Variants in HECW2 observed in about 807,000 individuals in gnomAD.
HECW2 encodes the protein E3 ubiquitin-protein ligase HECW2.
Under a neutral mutation model 175.2 loss-of-function variants are expected in HECW2, and 61 were observed. The observed-to-expected ratio is 0.35, with a 90% CI of 0.28 to 0.43. HECW2 has a LOEUF of 0.43. HECW2 is among the 20% of genes least tolerant of loss of function. The pLI, the probability that HECW2 is intolerant of heterozygous loss-of-function variation, is 1.00. For synonymous variants in HECW2, 671 were observed against 731.0 expected (o/e 0.92, Z 1.32); for missense variants, 1,524 against 2,000.5 (o/e 0.76, Z 4.54).
At chr2:196,350,683 T>G (rs974832596) in intron 2 of HECW2, among the ~76,000 whole-genome samples, 2 of 152,180 alleles carry the variant, frequency 1.3e-5, no homozygotes, top group African/African-American at 4.8e-5. Flanking sequence ...TAAGCATCTA[T>G]TTCCTGCCAT....
intron 1 of HECW2, among the ~76,000 whole-genome samples, chr2:196,502,573 C>T (rs1299130990): frequency 6.6e-6 from 1 of 152,224 alleles, no homozygotes; most frequent in African/African-American, 2.4e-5. Context: ...TTATGTTATA[C>T]ATATTCGTAC....
intron 13 of HECW2, 88 bp from the exon 14 acceptor site, chr2:196,292,838 CAA>C: frequency 9.9e-7 from 1 of 1,013,174 alleles, no homozygotes; most frequent in South Asian, 1.6e-5. Context: ...GCTAATCTTC[CAA>C]TAAGTAATGA....
At chr2:196,404,819 CTTTTTTTTTTT>C (rs71012909) in intron 2 of HECW2, among the ~76,000 whole-genome samples, 4 of 80,378 alleles carry the variant, frequency 5.0e-5, no homozygotes, top group Admixed American at 1.7e-4. Flanking sequence ...TTTTTCTTCT[CTTTTTTTTTTT>C]TTTTTTTTTT....
intron 19 of HECW2, 184 bp from the exon 20 acceptor site, chr2:196,242,388 C>T: frequency 1.5e-6 from 1 of 647,248 alleles, no homozygotes; most frequent in Non-Finnish European, 2.6e-6. Context: ...TAAGTGACGT[C>T]CTCTTTGTGG....
intron 20 of HECW2, among the ~76,000 whole-genome samples, chr2:196,241,547 G>A (rs1473736139): frequency 6.6e-6 from 1 of 152,204 alleles, no homozygotes; most frequent in Non-Finnish European, 1.5e-5. Context: ...AGAGAAAGAA[G>A]GGTAAGTAGG....
chr2:196,324,069 T>C (rs1176079804), intron 6 of HECW2, among the ~76,000 whole-genome samples: 1 of 152,128 alleles, frequency 6.6e-6, no homozygotes, highest in Non-Finnish European at 1.5e-5. Context: ...ACTATATCTT[T>C]TCTGCAATCG....
At chr2:196,462,784 T>C (rs1451199260) in intron 1 of HECW2, among the ~76,000 whole-genome samples, 1 of 152,030 alleles carries the variant, frequency 6.6e-6, no homozygotes, top group African/African-American at 2.4e-5. Flanking sequence ...ACAACTGTAC[T>C]TTTTCATCTC....
At position 196,584,994 on chromosome 2, in the gene HECW2, T is replaced by C. The variant is rs557109645; in HGVS notation, c.-36+8514A>G. ...TATTACTTCCTTAATTTATGGTCAATGTGGACATCTAACTCTCTAATAAAA... is the reference window on the plus strand; with the variant it reads ...TATTACTTCCTTAATTTATGGTCAACGTGGACATCTAACTCTCTAATAAAA... On this transcript the variant is annotated intron_variant, in intron 1 of 28. Transcript: ENST00000644978. Among the ~76,000 whole-genome samples the C allele has an allele frequency of 1.2e-4, 18 of 152,318 alleles. 1 individual carries two copies. The East Asian group carries it at 3.3e-3, about 28-fold the overall frequency.
intron 13 of HECW2, among the ~76,000 whole-genome samples, chr2:196,299,165 C>CT (rs55824195): frequency 0.16 from 24,992 of 151,976 alleles, 2,248 homozygotes; most frequent in Middle Eastern, 0.25. Flanking sequence ...CATGGATCAT[C>CT]TTTTTAGCTA....
chr2:196,409,926 C>T (rs754795596), intron 2 of HECW2, among the ~76,000 whole-genome samples: 1 of 152,150 alleles, frequency 6.6e-6, no homozygotes, highest in Non-Finnish European at 1.5e-5. Context: ...AAACCTGGCA[C>T]AAGAATCATA....
In HECW2 at chr2:196,307,938, C is replaced by A; in HGVS notation, c.2582G>T (p.Arg861Leu). ...ACAGCAAAATGTTCATCCTCACCGCCGGTTCAGCTGCTCCATTTGCTGTAT... is the reference window on the plus strand; with the variant it reads ...ACAGCAAAATGTTCATCCTCACCGCAGGTTCAGCTGCTCCATTTGCTGTAT... ...NSIQQMEQLN[R>L]RYQSIRRTMT... Residue 861 changes from arginine (R) to leucine (L), a missense_variant, in exon 11 of 29, where the codon CGG (arginine) becomes CTG (leucine). By Grantham distance (102) the Arg-to-Leu change is moderately radical. Around this residue, in one of 11 missense-constraint regions of HECW2, gnomAD observed 82 missense variants for 124.4 expected, o/e 0.66. Transcript: ENST00000644978. 1 of 1,536,524 alleles carries A rather than the reference C, an allele frequency of 6.5e-7. No homozygotes were observed. The highest frequency in any genetic ancestry group is 8.8e-7 in the Non-Finnish European group (1 of 1,130,572).
intron 1 of HECW2, among the ~76,000 whole-genome samples, chr2:196,483,252 C>T (rs555909973): frequency 2.6e-5 from 4 of 152,182 alleles, no homozygotes; most frequent in South Asian, 2.1e-4. Flanking sequence ...TTTATTTACT[C>T]GATGGATATT....
chr2:196,400,381 C>A (rs1228002682), intron 2 of HECW2, among the ~76,000 whole-genome samples: 1 of 152,106 alleles, frequency 6.6e-6, no homozygotes, highest in Non-Finnish European at 1.5e-5. Context: ...CTAATGCCTG[C>A]ATAACTCTGG....
chr2:196,518,619 C>G (rs1688233824), intron 1 of HECW2, among the ~76,000 whole-genome samples: 1 of 141,418 alleles, frequency 7.1e-6, no homozygotes. Flanking sequence ...TGCGCCACTG[C>G]ACTCCAGCCT....
At chr2:196,541,306 T>G (rs1021697605) in intron 1 of HECW2, among the ~76,000 whole-genome samples, 1 of 152,096 alleles carries the variant, frequency 6.6e-6, no homozygotes, top group Non-Finnish European at 1.5e-5. Context: ...TTGTATAATT[T>G]AATATTATGT....
rs983861203 is a variant in HECW2, at chr2:196,236,209, C to A, written c.3764+4240G>T. On this transcript the variant is annotated intron_variant, in intron 21 of 28. Transcript: ENST00000644978. ...ATATATACACTTATTACTCTAATGA[C>A]CTCAAGTGCAGACAGAGGCATATAC... 3.3e-5 allele frequency among the ~76,000 whole-genome samples: 5 copies of A among 152,256 alleles called. No individual in the cohort carries two copies. In the East Asian group the frequency reaches 9.7e-4, roughly 29 times the overall value.
chr2:196,242,219 A>G lies in HECW2; in HGVS notation c.3530-15T>C, dbSNP rs374031189. 4.5e-4 allele frequency: 734 copies of G among 1,614,066 alleles called. 4 individuals are homozygous for G. In the South Asian group the frequency reaches 5.9e-3, roughly 13 times the overall value. ...ACGCTGGGTACCTGCAGCAAACCAC[A>G]AAGAGAGGACAATCTGGATTTGTGC... On this transcript the variant is annotated splice_polypyrimidine_tract_variant and intron_variant, in intron 19 of 28. Transcript: ENST00000644978.
At chr2:196,414,617 C>T (rs765752752) in intron 2 of HECW2, among the ~76,000 whole-genome samples, 4 of 152,184 alleles carry the variant, frequency 2.6e-5, no homozygotes, top group Non-Finnish European at 4.4e-5. Context: ...TAGCCCTAGA[C>T]ACTAGGCTTC....
chr2:196,280,337 T>C (rs1405138327), intron 14 of HECW2, among the ~76,000 whole-genome samples: 3 of 152,234 alleles, frequency 2.0e-5, no homozygotes, highest in African/African-American at 7.2e-5. Flanking sequence ...CAGAGGCAGA[T>C]AGTATATTTA....
Sources: allele counts gnomAD v4.1 joint callset (sites outside exome capture counted in the v4.1 genomes callset), GRCh38; gene constraint gnomAD v4.1.1; regional missense constraint gnomAD v4.1.1; transcripts MANE v1.5; gene names NCBI Gene and HGNC (gene_info 2026-07-23, HGNC 2026-07-21).